ZCWPW2: variants seen among roughly 807,000 people sequenced by gnomAD.
ZCWPW2 encodes the protein zinc finger CW-type PWWP domain protein 2.
Under a neutral mutation model 46.6 loss-of-function variants are expected in ZCWPW2, and 45 were observed. The ratio of observed to expected loss-of-function variants is 0.96; its 90% CI spans 0.76 to 1.24. The LOEUF (loss-of-function observed/expected upper bound fraction) is 1.24, where lower values mean the gene tolerates loss of function less well. Among genes scored for constraint, ZCWPW2 ranks in the 50% most tolerant of loss-of-function variants. ZCWPW2 has a pLI of 0.00. For missense variants in ZCWPW2, 429 were observed against 403.9 expected (o/e 1.06, Z -0.53); for synonymous variants, 152 against 137.1 (o/e 1.11, Z -0.76).
intron 1 of ZCWPW2, among the ~76,000 whole-genome samples, chr3:28,380,523 A>G (rs1478817225): frequency 6.6e-6 from 1 of 152,128 alleles, no homozygotes; most frequent in African/African-American, 2.4e-5. Context: ...TTTCATCTTT[A>G]CTATAAACCT....
chr3:28,462,989 A>G (rs1440367786), intron 4 of ZCWPW2, among the ~76,000 whole-genome samples: 4 of 152,200 alleles, frequency 2.6e-5, no homozygotes, highest in African/African-American at 9.6e-5. Flanking sequence ...GTGGTTTACA[A>G]ACTTTTCACT....
At chr3:28,430,789 C>T (rs888569311) in intron 3 of ZCWPW2, among the ~76,000 whole-genome samples, 1 of 152,098 alleles carries the variant, frequency 6.6e-6, no homozygotes, top group Non-Finnish European at 1.5e-5. Flanking sequence ...GGAGCTTTCC[C>T]CCCTTCACTC....
intron 3 of ZCWPW2, among the ~76,000 whole-genome samples, chr3:28,430,154 C>A (rs1254238265): frequency 6.6e-6 from 1 of 152,226 alleles, no homozygotes; most frequent in Non-Finnish European, 1.5e-5. Context: ...ACACTCAATG[C>A]CAGCCTGTTA....
At chr3:28,383,913 C>G (rs940667769) in intron 1 of ZCWPW2, among the ~76,000 whole-genome samples, 1 of 151,854 alleles carries the variant, frequency 6.6e-6, no homozygotes, top group Non-Finnish European at 1.5e-5. Context: ...GGTATGGGTA[C>G]CCTGTAATTT....
At chr3:28,424,228 AACACACACACACACACACACACACACAC>A (rs55725925) in intron 3 of ZCWPW2, among the ~76,000 whole-genome samples, 1 of 138,960 alleles carries the variant, frequency 7.2e-6, no homozygotes, top group East Asian at 2.1e-4. Context: ...GTCTTATTCC[AACACACACACACACACACACACACACAC>A]ACACACACAC....
intron 4 of ZCWPW2, among the ~76,000 whole-genome samples, chr3:28,448,804 A>AGGC (rs2125777444): frequency 3.4e-5 from 2 of 58,020 alleles, no homozygotes; most frequent in East Asian, 3.8e-4. Context: ...AAAAAAAAAA[A>AGGC]AAAAAAAAAA....
chr3:28,521,198 A>T, intron 9 of ZCWPW2, 82 bp downstream of exon 9: 1 of 1,423,912 alleles, frequency 7.0e-7, no homozygotes, highest in Non-Finnish European at 9.3e-7. Context: ...TGTACATTTT[A>T]AATATATAAA....
intron 2 of ZCWPW2, among the ~76,000 whole-genome samples, chr3:28,408,061 A>G (rs1047912907): frequency 8.5e-5 from 13 of 152,212 alleles, no homozygotes; most frequent in African/African-American, 2.2e-4. Context: ...CCTGGATAAA[A>G]CGTATCAAAT....
intron 5 of ZCWPW2, among the ~76,000 whole-genome samples, chr3:28,479,315 C>CA (rs547309315): frequency 1.3e-5 from 2 of 151,796 alleles, no homozygotes; most frequent in Non-Finnish European, 2.9e-5. Flanking sequence ...TATTACAGAA[C>CA]AAAGTATTTT....
intron 3 of ZCWPW2, among the ~76,000 whole-genome samples, chr3:28,426,587 A>G (rs1697022452): frequency 6.6e-6 from 1 of 152,226 alleles, no homozygotes; most frequent in Non-Finnish European, 1.5e-5. Flanking sequence ...TCAGTATTAT[A>G]AAGTATTAAT....
At chr3:28,482,931 T>A (rs1483830537) in intron 5 of ZCWPW2, among the ~76,000 whole-genome samples, 2 of 152,198 alleles carry the variant, frequency 1.3e-5, no homozygotes, top group Non-Finnish European at 2.9e-5. Context: ...AAATACTTGC[T>A]CCCAATATGT....
chr3:28,424,191 G>A (rs1357573251), intron 3 of ZCWPW2, among the ~76,000 whole-genome samples: 3 of 150,780 alleles, frequency 2.0e-5, no homozygotes, highest in African/African-American at 7.4e-5. Context: ...AAAATAGGAT[G>A]TTGGCTTTCA....
At chr3:28,363,115 C>G (rs2125694914) in intron 1 of ZCWPW2, among the ~76,000 whole-genome samples, 1 of 152,148 alleles carries the variant, frequency 6.6e-6, no homozygotes. Flanking sequence ...CTGTTGGGTA[C>G]TATGCTTAGT....
At chr3:28,411,090 A>G (rs1048125181) in intron 2 of ZCWPW2, among the ~76,000 whole-genome samples, 1 of 151,956 alleles carries the variant, frequency 6.6e-6, no homozygotes, top group Non-Finnish European at 1.5e-5. Context: ...AAATAAAATA[A>G]TAGACAAATC....
At chr3:28,516,530 C>A (rs1215906933) in intron 8 of ZCWPW2, among the ~76,000 whole-genome samples, 2 of 152,068 alleles carry the variant, frequency 1.3e-5, no homozygotes, top group African/African-American at 4.8e-5. Context: ...TCTACATTTT[C>A]TTTAGTCTTG....
rs145376410 is a variant in ZCWPW2, at chr3:28,459,584, G to A, written c.493-19230G>A. Among the ~76,000 whole-genome samples, 386 of 152,224 alleles carry A rather than the reference G, an allele frequency of 2.5e-3. 1 individual carries two copies. The highest frequency in any genetic ancestry group is 8.4e-3 in the African/African-American group (350 of 41,542). On this transcript the variant is annotated intron_variant, in intron 4 of 9. Transcript: ENST00000383768. ...TGTATGAAAGTATTTATGAAGCTGT[G>A]GTACTGAAGAAGCCAGGAAAATCTT...
chr3:28,423,689 G>A (rs551946298), intron 3 of ZCWPW2, among the ~76,000 whole-genome samples: 5 of 151,966 alleles, frequency 3.3e-5, no homozygotes, highest in East Asian at 3.9e-4. Flanking sequence ...ATCCTGAAAC[G>A]GATCTTGGTT....
chr3:28,468,351 TGGCCTTAAA>T (rs1698906131), intron 4 of ZCWPW2, among the ~76,000 whole-genome samples: 1 of 151,588 alleles, frequency 6.6e-6, no homozygotes, highest in Admixed American at 6.6e-5. Flanking sequence ...TAACAGTTAT[TGGCCTTAAA>T]GAGGAAGTAA....
chr3:28,449,468 G>C (rs962361564), intron 4 of ZCWPW2, among the ~76,000 whole-genome samples: 2 of 152,140 alleles, frequency 1.3e-5, no homozygotes, highest in East Asian at 3.8e-4. Context: ...GAAGTATTTA[G>C]AATAGTCAAA....
Sources: allele counts gnomAD v4.1 joint callset (sites outside exome capture counted in the v4.1 genomes callset), GRCh38; gene constraint gnomAD v4.1.1; transcripts MANE v1.5; gene names NCBI Gene and HGNC (gene_info 2026-07-23, HGNC 2026-07-21).